The following MTFMT variants were observed in gnomAD, a reference collection of about 807,000 sequenced individuals.
MTFMT encodes mitochondrial methionyl-tRNA formyltransferase.
Under a neutral mutation model 51.8 loss-of-function variants are expected in MTFMT, and 47 were observed. That is an observed-to-expected ratio of 0.91 (90% CI 0.72 to 1.16). The LOEUF (loss-of-function observed/expected upper bound fraction) is 1.16. Among genes scored for constraint, MTFMT ranks in the 50% most tolerant of loss-of-function variants. The pLI, the probability that MTFMT is intolerant of heterozygous loss-of-function variation, is 0.00. For synonymous variants in MTFMT, 196 were observed against 176.7 expected (o/e 1.11, Z -0.87); for missense variants, 512 against 482.3 (o/e 1.06, Z -0.58).
chr15:65,016,471 G>A lies in MTFMT; in HGVS notation c.778C>T (p.Gln260Ter), dbSNP rs1416218434. ...CIKWEEQTSEQIFRLYRAIGN... is the reference protein window; with the variant it reads ...CIKWEEQTSE ...ATGGCACGGTAAAGTCTGAATATTT[G>A]TTCTGAAGTTTGTTCCTCCCATTTT... Residue 260 changes from glutamine (Q) to a stop codon, truncating the protein, a stop_gained, in exon 6 of 9, where the codon CAA becomes TAA. Transcript: ENST00000220058. LOFTEE classifies it high-confidence loss of function. 6.2e-7 allele frequency: 1 copy of A among 1,612,158 alleles called. No individual in the cohort carries two copies. Among genetic ancestry groups the A allele is most frequent in the Non-Finnish European group, 8.5e-7 (1 of 1,178,820 alleles).
In MTFMT at chr15:65,021,556, T is replaced by C. The variant is rs773928801; in HGVS notation, c.603A>G (p.Ala201=). 2.5e-6 allele frequency: 4 copies of C among 1,609,314 alleles called. No individual in the cohort carries two copies. Among genetic ancestry groups the C allele is most frequent in the African/African-American group, 1.3e-5 (1 of 74,884 alleles). The change falls in exon 4 of 9, where the codon GCA becomes GCG. Residue 201 remains alanine (A), a synonymous_variant. Transcript: ENST00000220058. The stretch of plus-strand genomic sequence containing the variant: ...TTGACAACACTGCTTCCAATTCCTT[T>C]GCAGTGCTCTTGGGTGGCACAGGAA... ...ETVPVPPKST[A]KELEAVLSRL...
At chr15:65,016,319 A>G in intron 6 of MTFMT, 117 bp downstream of exon 6, 1 of 631,554 alleles carries the variant, frequency 1.6e-6, no homozygotes, top group South Asian at 2.4e-5. Context: ...TCCTAAGATC[A>G]ACCTTTTATT....
chr15:65,003,244 C>A lies in MTFMT; in HGVS notation c.988G>T (p.Gly330Cys), dbSNP rs1255883767. ...TTCTTGAGCATCACTGATCGAACAC[C>A]AATCCAACCATCCTAAAGGGCAAAA... ...LLVYCKDGWI[G>C]VRSVMLKKSL... The change falls in exon 9 of 9, where the codon GGT (glycine) becomes TGT (cysteine). Residue 330 changes from glycine (G) to cysteine (C), a missense_variant. Gly to Cys is a radical substitution (Grantham distance 159). Transcript: ENST00000220058. 6.2e-7 allele frequency: 1 copy of A among 1,612,448 alleles called. No individual in the cohort carries two copies. The highest frequency in any genetic ancestry group is 1.3e-5 in the African/African-American group (1 of 74,878).
intron 5 of MTFMT, among the ~76,000 whole-genome samples, chr15:65,017,193 T>C (rs2086331243): frequency 6.6e-6 from 1 of 151,408 alleles, no homozygotes; most frequent in Admixed American, 6.6e-5. Flanking sequence ...ATTTCTCTAT[T>C]ATGAAATATA....
At chr15:65,028,472 G>A (rs1005675363) in intron 1 of MTFMT, among the ~76,000 whole-genome samples, 1 of 152,152 alleles carries the variant, frequency 6.6e-6, no homozygotes, top group Non-Finnish European at 1.5e-5. Flanking sequence ...AGACGCATGT[G>A]ACAACAGCAG....
intron 7 of MTFMT, among the ~76,000 whole-genome samples, chr15:65,005,392 G>C (rs1025245614): frequency 5.9e-5 from 9 of 152,130 alleles, no homozygotes; most frequent in African/African-American, 2.2e-4. Context: ...GTATTGGCAG[G>C]ATGCTGATGG....
At chr15:65,022,081 G>C (rs2086378166) in intron 3 of MTFMT, among the ~76,000 whole-genome samples, 1 of 152,172 alleles carries the variant, frequency 6.6e-6, no homozygotes, top group Non-Finnish European at 1.5e-5. Flanking sequence ...TATTTTCCAT[G>C]GAAGTACAGT....
chr15:65,023,617 C>A (rs2086394143), intron 3 of MTFMT, 55 bp downstream of exon 3: 4 of 1,586,294 alleles, frequency 2.5e-6, no homozygotes, highest in Non-Finnish European at 3.4e-6. Flanking sequence ...CCCAAACAGG[C>A]TGACATCAAC....
intron 6 of MTFMT, among the ~76,000 whole-genome samples, chr15:65,011,687 G>A (rs2086269008): frequency 6.6e-6 from 1 of 151,444 alleles, no homozygotes. Context: ...GTAATGATGG[G>A]GACTCACTAC....
chr15:65,026,695 A>G (rs2086427126), intron 2 of MTFMT, 136 bp downstream of exon 2: 1 of 762,658 alleles, frequency 1.3e-6, no homozygotes, highest in Admixed American at 3.0e-5. Flanking sequence ...AAACATGTAC[A>G]GAAAAATAAA....
intron 2 of MTFMT, 175 bp downstream of exon 2, chr15:65,026,656 C>G: frequency 3.2e-6 from 2 of 623,652 alleles, no homozygotes; most frequent in Non-Finnish European, 5.5e-6. Flanking sequence ...GTTACCTGAA[C>G]CTGGCAGAGA....
At chr15:65,019,233 C>G (rs2086350089) in intron 5 of MTFMT, among the ~76,000 whole-genome samples, 1 of 152,192 alleles carries the variant, frequency 6.6e-6, no homozygotes, top group Admixed American at 6.5e-5. Flanking sequence ...GCTTCACTTG[C>G]TTTAGTACAG....
intron 3 of MTFMT, among the ~76,000 whole-genome samples, chr15:65,023,093 G>A (rs888041769): frequency 2.0e-4 from 30 of 152,088 alleles, no homozygotes; most frequent in African/African-American, 7.2e-4. Context: ...TTGTTCTTGC[G>A]AACTTGTGAA....
At chr15:65,013,321 G>C (rs2086286437) in intron 6 of MTFMT, among the ~76,000 whole-genome samples, 1 of 139,748 alleles carries the variant, frequency 7.2e-6, no homozygotes, top group African/African-American at 2.6e-5. Flanking sequence ...TGGCTATATT[G>C]TCCAGGCTGG....
rs891254784 is a variant in MTFMT at position 65,002,509 on chromosome 15, G to C, written c.*553C>G. The C allele has an allele frequency of 6.6e-6, 1 of 152,116 alleles. No individual in the cohort carries two copies. The highest frequency in any genetic ancestry group is 1.5e-5 in the Non-Finnish European group (1 of 68,048). The allele number at this position is 152,116 out of a possible 1,614,324, so 9.4% of individuals were successfully genotyped here. ...TCTTAAGGAAAGATAATCTCCTTGA[G>C]TTTCGTATCATAAATACAAGTTTTA... is the stretch of plus-strand genomic sequence containing the variant. On this transcript the variant is annotated 3_prime_UTR_variant, in exon 9 of 9. Coordinates refer to ENST00000220058, the MANE Select transcript of MTFMT (RefSeq NM_139242.4).
chr15:65,027,082 T>A, intron 1 of MTFMT, 42 bp from the exon 2 acceptor site: 1 of 1,481,692 alleles, frequency 6.7e-7, no homozygotes, highest in South Asian at 1.2e-5. Flanking sequence ...GTTAAGGCAA[T>A]GACTCAAAGC....
intron 3 of MTFMT, among the ~76,000 whole-genome samples, chr15:65,023,416 A>G (rs1314547136): frequency 6.6e-6 from 1 of 152,352 alleles, no homozygotes. Flanking sequence ...TAGAAATCCG[A>G]GTATTAATAA....
rs1458900429 is a variant in MTFMT at position 65,001,663 on chromosome 15, A to ATTGCTTAGGC, written c.*1398_*1399insGCCTAAGCAA. The ATTGCTTAGGC allele has an allele frequency of 6.6e-6, 1 of 152,150 alleles. No homozygotes were observed. Among genetic ancestry groups the ATTGCTTAGGC allele is most frequent in the Non-Finnish European group, 1.5e-5 (1 of 68,054 alleles). The allele number at this position is 152,150 out of a possible 1,614,324, so 9.4% of individuals were successfully genotyped here. The stretch of plus-strand genomic sequence containing the variant: ...GATTGCTTGGGCCCAGGAGTTCAAG[A>ATTGCTTAGGC]CCAGCCTAAGCAACATAGTGAGACC... On this transcript the variant is annotated 3_prime_UTR_variant, in exon 9 of 9. Transcript: ENST00000220058.
intron 2 of MTFMT, among the ~76,000 whole-genome samples, chr15:65,024,374 A>T (rs1257418284): frequency 6.6e-6 from 1 of 152,198 alleles, no homozygotes; most frequent in Admixed American, 6.5e-5. Flanking sequence ...ATAAAATTTT[A>T]AAATGCATTT....
Sources: allele counts gnomAD v4.1 joint callset (sites outside exome capture counted in the v4.1 genomes callset), GRCh38; gene constraint gnomAD v4.1.1; transcripts MANE v1.5; gene names NCBI Gene and HGNC (gene_info 2026-07-23, HGNC 2026-07-21).